The following HDAC9 variants were observed in gnomAD, a reference collection of about 807,000 sequenced individuals.
HDAC9 encodes the protein MEF-2 interacting transcription repressor (MITR) protein.
In HDAC9, 41 loss-of-function variants were observed where a neutral mutation model predicts 139.4. That is an observed-to-expected ratio of 0.29 (90% CI 0.23 to 0.38). HDAC9 has a LOEUF of 0.38. Among genes scored for constraint, HDAC9 ranks in the 10% least tolerant of loss-of-function variants. HDAC9 has a pLI of 1.00. For missense variants in HDAC9, 1,147 were observed against 1,297.0 expected, an observed-to-expected ratio of 0.88 and a Z score of 1.78; for synonymous variants, 517 against 476.2, an observed-to-expected ratio of 1.09 and a Z score of -1.12.
chr7:18,941,000 G>GA, intron 23 of HDAC9, among the ~76,000 whole-genome samples: 1 of 152,130 alleles, frequency 6.6e-6, no homozygotes, highest in Non-Finnish European at 1.5e-5. Context: ...CTTGTTAGAG[G>GA]AAAAAAGCAA....
chr7:18,691,368 G>A (rs1251627230), intron 12 of HDAC9, among the ~76,000 whole-genome samples: 2 of 152,036 alleles, frequency 1.3e-5, no homozygotes, highest in African/African-American at 2.4e-5. Flanking sequence ...TGAGAGGTTG[G>A]TGGGTCACTT....
At chr7:18,336,785 T>A (rs1207545091) in intron 1 of HDAC9, among the ~76,000 whole-genome samples, 1 of 151,636 alleles carries the variant, frequency 6.6e-6, no homozygotes, top group African/African-American at 2.4e-5. Flanking sequence ...ATGGATGTAT[T>A]TCTTTAAAAA....
At chr7:18,778,911 C>G (rs959759808) in intron 16 of HDAC9, among the ~76,000 whole-genome samples, 2 of 152,046 alleles carry the variant, frequency 1.3e-5, no homozygotes, top group African/African-American at 2.4e-5. Context: ...GTTGATCATA[C>G]CGGGAGATGG....
At chr7:18,346,043 C>T (rs1294612553) in intron 1 of HDAC9, among the ~76,000 whole-genome samples, 1 of 151,846 alleles carries the variant, frequency 6.6e-6, no homozygotes, top group African/African-American at 2.4e-5. Context: ...TAAAGTAGAC[C>T]AATGCTAATT....
At chr7:18,773,586 C>A (rs1018849705) in intron 16 of HDAC9, among the ~76,000 whole-genome samples, 1 of 151,888 alleles carries the variant, frequency 6.6e-6, no homozygotes, top group Non-Finnish European at 1.5e-5. Flanking sequence ...TAAATAAAAG[C>A]TGAGAAAGTA....
chr7:18,444,063 G>C (rs113886474), intron 1 of HDAC9, among the ~76,000 whole-genome samples: 3,344 of 152,030 alleles, frequency 0.022, 124 homozygotes, highest in African/African-American at 0.076. Flanking sequence ...TTGCAACTGG[G>C]CATGGTGGCT....
chr7:18,388,216 C>G (rs1786121218), intron 1 of HDAC9, among the ~76,000 whole-genome samples: 1 of 152,068 alleles, frequency 6.6e-6, no homozygotes, highest in Non-Finnish European at 1.5e-5. Context: ...AAGACCATTC[C>G]CAAGTTGTCC....
intron 12 of HDAC9, among the ~76,000 whole-genome samples, chr7:18,670,646 A>G (rs1295989892): frequency 6.6e-6 from 1 of 152,010 alleles, no homozygotes; most frequent in Admixed American, 6.6e-5. Flanking sequence ...GTCTAGCTTT[A>G]ATTTGAACCT....
intron 22 of HDAC9, among the ~76,000 whole-genome samples, chr7:18,879,528 C>G (rs552376777): frequency 2.0e-5 from 3 of 152,188 alleles, no homozygotes; most frequent in African/African-American, 7.2e-5. Context: ...ACTAACTGAT[C>G]TTTGACAAAA....
At chr7:18,892,382 G>T (rs1800761433) in intron 22 of HDAC9, among the ~76,000 whole-genome samples, 1 of 152,064 alleles carries the variant, frequency 6.6e-6, no homozygotes, top group African/African-American at 2.4e-5. Context: ...TCATTTTATA[G>T]ATGAAGAAAC....
intron 12 of HDAC9, among the ~76,000 whole-genome samples, chr7:18,708,004 G>T (rs930321453): frequency 6.6e-6 from 1 of 152,142 alleles, no homozygotes; most frequent in Non-Finnish European, 1.5e-5. Context: ...GATTGATGGA[G>T]CACATCCCTA....
At chr7:18,593,702 A>G (rs1231838975) in intron 5 of HDAC9, among the ~76,000 whole-genome samples, 2 of 152,132 alleles carry the variant, frequency 1.3e-5, no homozygotes, top group African/African-American at 4.8e-5. Flanking sequence ...GACCAAACAC[A>G]TGCTGGACAT....
At chr7:18,128,978 A>G in intron 1 of HDAC9, among the ~76,000 whole-genome samples, 1 of 152,032 alleles carries the variant, frequency 6.6e-6, no homozygotes. Flanking sequence ...ACATTGCCTT[A>G]TCTGGATTTC....
At chr7:18,914,121 G>T (rs966856705) in intron 22 of HDAC9, among the ~76,000 whole-genome samples, 15 of 151,852 alleles carry the variant, frequency 9.9e-5, no homozygotes, top group African/African-American at 3.1e-4. Context: ...GAGCTGTCTT[G>T]CCTCTCACAC....
intron 2 of HDAC9, among the ~76,000 whole-genome samples, chr7:18,195,838 G>A (rs1479629219): frequency 6.6e-6 from 1 of 151,992 alleles, no homozygotes; most frequent in Non-Finnish European, 1.5e-5. Context: ...TCATCATAAC[G>A]TGAACACATA....
intron 17 of HDAC9, among the ~76,000 whole-genome samples, chr7:18,796,389 G>C (rs1792802632): frequency 6.6e-6 from 1 of 152,218 alleles, no homozygotes. Flanking sequence ...ATATTGATGA[G>C]CTGAAGGAAT....
At chr7:18,668,166 C>T (rs1050763252) in intron 12 of HDAC9, 2 of 849,482 alleles carry the variant, frequency 2.4e-6, no homozygotes, top group Non-Finnish European at 2.8e-6. Context: ...TAAAAAGTCT[C>T]CATTCAAATT....
At chr7:18,995,724 C>G (rs1283791491) in intron 25 of HDAC9, among the ~76,000 whole-genome samples, 1 of 152,108 alleles carries the variant, frequency 6.6e-6, no homozygotes, top group Admixed American at 6.5e-5. Context: ...TTAATTTTTT[C>G]AATAAATTAT....
At chr7:18,509,677 A>G (rs1800870435) in intron 2 of HDAC9, among the ~76,000 whole-genome samples, 1 of 152,164 alleles carries the variant, frequency 6.6e-6, no homozygotes, top group Non-Finnish European at 1.5e-5. Context: ...TGCAAATGTT[A>G]CCTAATGTCT....
Sources: gnomAD v4.1 joint callset for allele counts (sites outside exome capture counted in the v4.1 genomes callset) on GRCh38, gnomAD v4.1.1 for gene constraint, MANE v1.5 for transcripts, NCBI Gene and HGNC (gene_info 2026-07-23, HGNC 2026-07-21) for gene names.